The following ADAMTSL1 variants were observed in gnomAD, a reference collection of about 807,000 sequenced individuals.
ADAMTSL1 encodes the protein ADAMTS-like protein 1.
ADAMTSL1 carries 126 observed loss-of-function variants against 201.8 expected under a neutral mutation model. The ratio of observed to expected loss-of-function variants is 0.62; its 90% CI spans 0.54 to 0.72. The LOEUF is 0.72. ADAMTSL1 is among the 30% of genes least tolerant of loss of function. ADAMTSL1 has a pLI of 0.00. For missense variants in ADAMTSL1, 2,679 were observed against 2,277.8 expected (o/e 1.18, Z -3.59); for synonymous variants, 1,121 against 903.4 (o/e 1.24, Z -4.32).
At chr9:18,738,726 T>C (rs1041373615) in intron 15 of ADAMTSL1, among the ~76,000 whole-genome samples, 4 of 152,106 alleles carry the variant, frequency 2.6e-5, no homozygotes, top group African/African-American at 9.7e-5. Context: ...AGCAAAACAA[T>C]GAAATATTGT....
intron 19 of ADAMTSL1, among the ~76,000 whole-genome samples, chr9:18,783,144 C>A (rs546293187): frequency 1.3e-5 from 2 of 152,308 alleles, no homozygotes; most frequent in African/African-American, 4.8e-5. Context: ...CACTATTGAT[C>A]TTTACTGGGC....
intron 2 of ADAMTSL1, among the ~76,000 whole-genome samples, chr9:18,282,678 A>C (rs1305290529): frequency 6.6e-6 from 1 of 152,178 alleles, no homozygotes; most frequent in Non-Finnish European, 1.5e-5. Context: ...CAGGCAGATC[A>C]CCTGAGGTCC....
intron 23 of ADAMTSL1, among the ~76,000 whole-genome samples, chr9:18,846,782 C>T (rs996026134): frequency 5.3e-5 from 8 of 152,068 alleles, no homozygotes; most frequent in African/African-American, 1.9e-4. Flanking sequence ...TAGATGAATT[C>T]AGGGATCTGT....
chr9:18,657,312 C>A (rs34361890), intron 7 of ADAMTSL1, among the ~76,000 whole-genome samples: 1 of 152,076 alleles, frequency 6.6e-6, no homozygotes, highest in Non-Finnish European at 1.5e-5. Flanking sequence ...ATAATTTTAT[C>A]TATTATACCA....
At chr9:18,211,696 AT>A (rs1829878014) in intron 2 of ADAMTSL1, among the ~76,000 whole-genome samples, 1 of 152,178 alleles carries the variant, frequency 6.6e-6, no homozygotes, top group African/African-American at 2.4e-5. Flanking sequence ...TTAGAAGAGA[AT>A]TTCACCGTCC....
chr9:18,480,914 G>C (rs899474166), intron 1 of ADAMTSL1, among the ~76,000 whole-genome samples: 1 of 152,130 alleles, frequency 6.6e-6, no homozygotes, highest in Non-Finnish European at 1.5e-5. Context: ...AAACCAAAGA[G>C]GCAAGGCTGT....
At chr9:18,338,994 G>A (rs948127001) in intron 2 of ADAMTSL1, among the ~76,000 whole-genome samples, 6 of 152,000 alleles carry the variant, frequency 3.9e-5, no homozygotes, top group African/African-American at 7.2e-5. Flanking sequence ...TTGTCTATAC[G>A]TACCACCTTT....
chr9:18,543,279 G>C (rs1285128664), intron 3 of ADAMTSL1, among the ~76,000 whole-genome samples: 1 of 151,952 alleles, frequency 6.6e-6, no homozygotes, highest in Non-Finnish European at 1.5e-5. Flanking sequence ...GCTGTTGCTA[G>C]AACAAAAGGA....
chr9:18,520,555 C>T (rs1011901026), intron 2 of ADAMTSL1, among the ~76,000 whole-genome samples: 1 of 152,196 alleles, frequency 6.6e-6, no homozygotes, highest in African/African-American at 2.4e-5. Context: ...CTCCTCTGAT[C>T]AGTTTAAAAT....
chr9:18,298,460 A>G (rs1440921384), intron 2 of ADAMTSL1, among the ~76,000 whole-genome samples: 1 of 152,154 alleles, frequency 6.6e-6, no homozygotes, highest in Non-Finnish European at 1.5e-5. Flanking sequence ...GCACTGACTG[A>G]ATTTTGACCT....
intron 2 of ADAMTSL1, among the ~76,000 whole-genome samples, chr9:18,283,829 A>G (rs2585580): frequency 0.026 from 3,820 of 145,502 alleles, 190 homozygotes; most frequent in African/African-American, 0.093. Flanking sequence ...GGAGAATGGC[A>G]TGAACCCAGG....
chr9:18,726,077 C>T (rs1414075484), intron 15 of ADAMTSL1, among the ~76,000 whole-genome samples: 1 of 152,138 alleles, frequency 6.6e-6, no homozygotes, highest in African/African-American at 2.4e-5. Context: ...ATAGTAGGCA[C>T]TCAAAAAAAT....
At chr9:18,675,765 T>G in intron 9 of ADAMTSL1, 92 bp from the exon 10 acceptor site, 1 of 1,112,082 alleles carries the variant, frequency 9.0e-7, no homozygotes. Flanking sequence ...TATTTTGCAT[T>G]TGTATTAAAA....
At chr9:18,759,210 C>T (rs187932689) in intron 16 of ADAMTSL1, among the ~76,000 whole-genome samples, 52 of 152,278 alleles carry the variant, frequency 3.4e-4, no homozygotes, top group Non-Finnish European at 5.7e-4. Flanking sequence ...GTTGCCATTT[C>T]CCTCTAAACC....
chr9:18,435,860 G>A (rs1422359450), intron 2 of ADAMTSL1, among the ~76,000 whole-genome samples: 1 of 152,132 alleles, frequency 6.6e-6, no homozygotes. Flanking sequence ...GAACAGCACA[G>A]GAAAGACCCG....
intron 1 of ADAMTSL1, among the ~76,000 whole-genome samples, chr9:18,070,766 A>G (rs2131731969): frequency 6.6e-6 from 1 of 152,270 alleles, no homozygotes; most frequent in Admixed American, 6.5e-5. Flanking sequence ...AGATAGACAG[A>G]AGAGAGGAGG....
chr9:18,436,867 G>C (rs958773399), intron 2 of ADAMTSL1, among the ~76,000 whole-genome samples: 1 of 152,168 alleles, frequency 6.6e-6, no homozygotes, highest in Non-Finnish European at 1.5e-5. Flanking sequence ...GTTTGTTGCA[G>C]AGTGCCCTTG....
At chr9:17,970,623 C>T (rs1818169150) in intron 1 of ADAMTSL1, among the ~76,000 whole-genome samples, 1 of 151,992 alleles carries the variant, frequency 6.6e-6, no homozygotes, top group South Asian at 2.1e-4. Context: ...ATGACATTTT[C>T]CTTCTTTATT....
intron 2 of ADAMTSL1, among the ~76,000 whole-genome samples, chr9:18,313,217 C>G (rs1834224573): frequency 6.6e-6 from 1 of 152,166 alleles, no homozygotes; most frequent in Non-Finnish European, 1.5e-5. Context: ...TACTGTTCGT[C>G]CTCCAGACAA....
Sources: allele counts gnomAD v4.1 joint callset (sites outside exome capture counted in the v4.1 genomes callset), GRCh38; gene constraint gnomAD v4.1.1; transcripts MANE v1.5; gene names NCBI Gene and HGNC (gene_info 2026-07-23, HGNC 2026-07-21).